SLIT3: variants seen among roughly 807,000 people sequenced by gnomAD.
SLIT3 encodes the protein slit guidance ligand 3, also known as slit homolog 3 protein.
Under a neutral mutation model 184.0 loss-of-function variants are expected in SLIT3, and 68 were observed. That is an observed-to-expected ratio of 0.37 (90% confidence interval 0.30 to 0.45). The LOEUF (loss-of-function observed/expected upper bound fraction) is 0.45, where lower values mean the gene tolerates loss of function less well. Ranked by LOEUF, SLIT3 falls within the 20% of genes least tolerant of loss-of-function variation. The pLI is 1.00. For synonymous variants in SLIT3, 831 were observed against 828.6 expected, an observed-to-expected ratio of 1.00 and a Z score of -0.05; for missense variants, 1,707 against 2,026.0, an observed-to-expected ratio of 0.84 and a Z score of 3.02.
chr5:168,901,362 TCAAAACAAAA>T (rs142953631), intron 4 of SLIT3, among the ~76,000 whole-genome samples: 440 of 148,834 alleles, frequency 3.0e-3, no homozygotes, highest in Non-Finnish European at 4.8e-3. Context: ...AGACTCCGTC[TCAAAACAAAA>T]CAAAACAAAA....
intron 5 of SLIT3, among the ~76,000 whole-genome samples, chr5:168,867,948 G>T (rs1759367479): frequency 6.6e-6 from 1 of 152,204 alleles, no homozygotes; most frequent in South Asian, 2.1e-4. Flanking sequence ...GTAGTTGAAT[G>T]GGACCCACAG....
intron 26 of SLIT3, among the ~76,000 whole-genome samples, chr5:168,705,967 G>T (rs180762919): frequency 6.0e-4 from 91 of 152,362 alleles, no homozygotes; most frequent in Non-Finnish European, 4.4e-5. Flanking sequence ...CCAGATGAGT[G>T]CCTGGCCTTT....
chr5:168,765,982 G>A (rs1755331775), intron 14 of SLIT3, among the ~76,000 whole-genome samples: 1 of 152,184 alleles, frequency 6.6e-6, no homozygotes, highest in African/African-American at 2.4e-5. Flanking sequence ...ATACATCCCT[G>A]TCCTACAGCC....
chr5:168,842,682 C>T (rs1758311862), intron 6 of SLIT3, among the ~76,000 whole-genome samples: 1 of 152,146 alleles, frequency 6.6e-6, no homozygotes, highest in Non-Finnish European at 1.5e-5. Context: ...ACCCAAGCCC[C>T]ACCCAGGTGT....
intron 5 of SLIT3, among the ~76,000 whole-genome samples, chr5:168,877,723 A>G (rs566216000): frequency 1.3e-5 from 2 of 152,320 alleles, no homozygotes; most frequent in East Asian, 1.9e-4. Context: ...CAAAGCGTCA[A>G]TTCCAAATTC....
intron 4 of SLIT3, among the ~76,000 whole-genome samples, chr5:168,974,259 G>A (rs1281913436): frequency 2.0e-5 from 3 of 152,140 alleles, no homozygotes. Context: ...ACACTCTACT[G>A]AAGTCACATC....
intron 1 of SLIT3, among the ~76,000 whole-genome samples, chr5:169,279,076 C>T (rs900898858): frequency 2.6e-5 from 4 of 152,110 alleles, no homozygotes; most frequent in Admixed American, 6.5e-5. Flanking sequence ...GTAGGGAAGA[C>T]GGCAGCATTC....
At chr5:169,168,772 TCTGATGG>T (rs1247840279) in intron 4 of SLIT3, among the ~76,000 whole-genome samples, 5 of 152,228 alleles carry the variant, frequency 3.3e-5, no homozygotes, top group African/African-American at 4.8e-5. Flanking sequence ...TCAGGGATGC[TCTGATGG>T]CTGATGGCTG....
In SLIT3 at chr5:168,753,971, C is replaced by G; in HGVS notation, c.1722G>C (p.Glu574Asp). The G allele has an allele frequency of 6.8e-6, 11 of 1,607,060 alleles. No individual in the cohort carries two copies. The highest frequency in any genetic ancestry group is 8.5e-6 in the Non-Finnish European group (10 of 1,178,612). Residue 574 changes from glutamate (E) to aspartate (D), a missense_variant, in exon 17 of 36, where the codon GAG becomes GAC. Around this residue, in one of 3 missense-constraint regions of SLIT3, gnomAD observed 1,307 missense variants for 1,511.6 expected, o/e 0.86. Coordinates refer to ENST00000519560, the MANE Select transcript of SLIT3 (RefSeq NM_003062.4). ...CGCTGGCTGCTCCATCGAAAGCTCC[C>G]TCTCGCACCTCCTTGATCTTATTGT... ...LSNNKIKEVREGAFDGAASVQ... is the reference protein window; with the variant it reads ...LSNNKIKEVRDGAFDGAASVQ...
chr5:169,000,101 T>A (rs1267835800), intron 4 of SLIT3, among the ~76,000 whole-genome samples: 1 of 152,114 alleles, frequency 6.6e-6, no homozygotes, highest in Non-Finnish European at 1.5e-5. Flanking sequence ...AATGCTGCGA[T>A]CATTATTAAG....
At chr5:169,090,908 T>A (rs1455054573) in intron 4 of SLIT3, among the ~76,000 whole-genome samples, 2 of 152,240 alleles carry the variant, frequency 1.3e-5, no homozygotes, top group African/African-American at 2.4e-5. Context: ...GTGACTGTTA[T>A]CTTAAGCTAC....
At chr5:168,768,731 C>T (rs1348990260) in intron 14 of SLIT3, among the ~76,000 whole-genome samples, 1 of 152,182 alleles carries the variant, frequency 6.6e-6, no homozygotes, top group Non-Finnish European at 1.5e-5. Context: ...ATCCACAGTT[C>T]CCAGTGGTCT....
At chr5:169,189,531 T>A (rs1241155484) in intron 4 of SLIT3, among the ~76,000 whole-genome samples, 4 of 2,062 alleles carry the variant, frequency 1.9e-3, no homozygotes, top group Admixed American at 0.012. Flanking sequence ...AGATGGGATA[T>A]ATATATATAT....
intron 4 of SLIT3, among the ~76,000 whole-genome samples, chr5:169,108,765 A>T (rs1156370714): frequency 6.6e-6 from 1 of 151,864 alleles, no homozygotes; most frequent in Non-Finnish European, 1.5e-5. Flanking sequence ...CACTCTCACT[A>T]CTCTGCAATG....
intron 5 of SLIT3, among the ~76,000 whole-genome samples, chr5:168,848,841 A>G (rs1365088448): frequency 6.6e-6 from 1 of 152,236 alleles, no homozygotes; most frequent in Non-Finnish European, 1.5e-5. Flanking sequence ...ATTAGTAAGC[A>G]TAATATACTC....
intron 8 of SLIT3, among the ~76,000 whole-genome samples, chr5:168,813,925 G>A (rs1757245040): frequency 6.6e-6 from 1 of 152,220 alleles, no homozygotes; most frequent in Admixed American, 6.5e-5. Flanking sequence ...GACTGCTGGT[G>A]ATGAAGCTAT....
intron 3 of SLIT3, among the ~76,000 whole-genome samples, chr5:169,211,470 T>G (rs1446262615): frequency 6.6e-6 from 1 of 152,164 alleles, no homozygotes; most frequent in Non-Finnish European, 1.5e-5. Context: ...CTACATGATC[T>G]GTCCATCTCC....
intron 3 of SLIT3, among the ~76,000 whole-genome samples, chr5:169,211,711 A>G (rs914476245): frequency 5.3e-5 from 8 of 152,144 alleles, no homozygotes; most frequent in African/African-American, 1.9e-4. Flanking sequence ...ACATAGGTAT[A>G]CACGTGCCTT....
Position 168,666,931 on chromosome 5 carries a change from G to T in SLIT3, c.4337-242C>A, listed in dbSNP as rs184924994. On this transcript the variant is annotated intron_variant, in intron 35 of 35. Transcript: ENST00000519560. ...TGAGGATATAATGATGACAAAAGCA[G>T]GCTTGGTCCCTTCCTTCAAGAAACC... 74 of 643,810 alleles carry T rather than the reference G, an allele frequency of 1.1e-4. No individual in the cohort carries two copies. In the East Asian group the frequency reaches 1.5e-3, roughly 13 times the overall value. The allele number at this position is 643,810 out of a possible 1,614,324, so 39.9% of individuals were successfully genotyped here.
Sources: gnomAD v4.1 joint callset for allele counts (sites outside exome capture counted in the v4.1 genomes callset) on GRCh38, gnomAD v4.1.1 for gene constraint, gnomAD v4.1.1 regional missense constraint, MANE v1.5 for transcripts, NCBI Gene and HGNC (gene_info 2026-07-23, HGNC 2026-07-21) for gene names.